Variants in AAK1 observed in about 807,000 individuals in gnomAD.
AAK1 encodes the protein AP2-associated protein kinase 1.
AAK1 carries 37 observed loss-of-function variants against 116.0 expected under a neutral mutation model. That is an observed-to-expected ratio of 0.32 (90% CI 0.25 to 0.42). AAK1 has a LOEUF of 0.42. Among genes scored for constraint, AAK1 ranks in the 10% least tolerant of loss-of-function variants. The pLI, the probability that AAK1 is intolerant of heterozygous loss-of-function variation, is 1.00. For synonymous variants in AAK1, 458 were observed against 439.9 expected (o/e 1.04, Z -0.51); for missense variants, 919 against 1,170.6 (o/e 0.79, Z 3.14).
rs186312220 is a variant in AAK1, at chr2:69,617,663, G to C, written c.163+25215C>G. Among the ~76,000 whole-genome samples, 6 of 152,314 alleles carry C rather than the reference G, an allele frequency of 3.9e-5. No homozygotes were observed. The East Asian group carries it at 9.6e-4, about 24-fold the overall frequency. ...CTAAAGAGGTATGTGCCACATGCTT[G>C]AGTGTATGAGAGTGCAAACATCAGG... On this transcript the variant is annotated intron_variant, in intron 2 of 21. Coordinates refer to ENST00000409085, the MANE Select transcript of AAK1 (RefSeq NM_014911.5).
chr2:69,581,826 T>C (rs1273649893), intron 2 of AAK1, among the ~76,000 whole-genome samples: 1 of 152,006 alleles, frequency 6.6e-6, no homozygotes, highest in East Asian at 1.9e-4. Flanking sequence ...AATAATTTTT[T>C]AAAAACTTAG....
chr2:69,601,044 C>G (rs1673554473), intron 2 of AAK1, among the ~76,000 whole-genome samples: 1 of 152,204 alleles, frequency 6.6e-6, no homozygotes. Context: ...TTAGACTTAA[C>G]ACTTAGTAGG....
chr2:69,498,219 C>T (rs1290752078), intron 16 of AAK1, among the ~76,000 whole-genome samples: 1 of 152,224 alleles, frequency 6.6e-6, no homozygotes, highest in South Asian at 2.1e-4. Context: ...TTCTTTTCAC[C>T]TCTCTTGGCC....
At chr2:69,485,508 C>T (rs996807191) in intron 17 of AAK1, among the ~76,000 whole-genome samples, 3 of 151,936 alleles carry the variant, frequency 2.0e-5, no homozygotes, top group African/African-American at 7.2e-5. Context: ...GCACTCAATT[C>T]TCTCGCAGCC....
Position 69,532,064 on chromosome 2 carries a change from A to G in AAK1, c.633T>C (p.Asn211=). 1 of 1,613,544 alleles carries G rather than the reference A, an allele frequency of 6.2e-7. No homozygotes were observed. The highest frequency in any genetic ancestry group is 8.5e-7 in the Non-Finnish European group (1 of 1,179,540). ...KFQNPQTEGV[N]AVEDEIKKYT... ...ACTTCTTAATCTCATCTTCTACTGC[A>G]TTGACTCCCTCAGTTTGTGGATTCT... is the stretch of plus-strand genomic sequence containing the variant. The change falls in exon 6 of 22, where the codon AAT becomes AAC. Residue 211 remains asparagine, a synonymous_variant. Transcript: ENST00000409085.
At chr2:69,481,038 G>A (rs1008114027) in intron 18 of AAK1, 77 bp from the exon 19 acceptor site, 1 of 1,222,202 alleles carries the variant, frequency 8.2e-7, no homozygotes, top group Non-Finnish European at 1.1e-6. Flanking sequence ...ATTCTGTGAA[G>A]CTTTCTTCTT....
In AAK1 at chr2:69,471,368, C is replaced by T. The variant is rs1367446069; in HGVS notation, c.*4501G>A. The T allele has an allele frequency of 1.0e-6, 1 of 985,306 alleles. No homozygotes were observed. The highest frequency in any genetic ancestry group is 1.7e-5 in the African/African-American group (1 of 57,232). The allele number at this position is 985,306 out of a possible 1,614,324, so 61.0% of individuals were successfully genotyped here. The stretch of plus-strand genomic sequence containing the variant: ...TAGCACTCATTCTGATTTAAGAAAT[C>T]TAAGCACATCCAACTTCAGAAACAT... On this transcript the variant is annotated 3_prime_UTR_variant, in exon 22 of 22. Transcript: ENST00000409085.
At chr2:69,512,514 C>T (rs1425822368) in intron 13 of AAK1, among the ~76,000 whole-genome samples, 1 of 152,206 alleles carries the variant, frequency 6.6e-6, no homozygotes, top group Non-Finnish European at 1.5e-5. Flanking sequence ...AATAAGACTG[C>T]AATAAACATC....
chr2:69,569,611 C>T (rs1249970673), intron 2 of AAK1, among the ~76,000 whole-genome samples: 1 of 152,144 alleles, frequency 6.6e-6, no homozygotes, highest in Non-Finnish European at 1.5e-5. Context: ...CTTTCCATCT[C>T]ACACAAAGTC....
At chr2:69,555,421 C>T (rs1393862732) in intron 3 of AAK1, among the ~76,000 whole-genome samples, 2 of 152,312 alleles carry the variant, frequency 1.3e-5, no homozygotes, top group African/African-American at 2.4e-5. Context: ...AGTCCAACTG[C>T]AGCCTAACTA....
chr2:69,632,863 C>G (rs1243380478), intron 2 of AAK1, among the ~76,000 whole-genome samples: 1 of 151,986 alleles, frequency 6.6e-6, no homozygotes, highest in Non-Finnish European at 1.5e-5. Flanking sequence ...GAAACCCCGT[C>G]TCTACTAAAA....
chr2:69,466,667 G>T lies in AAK1; in HGVS notation c.*9202C>A. ...GGACCAAATAATAGATGTTGAAAATGCAACAGGAAAAACATAAAAATAAAA... is the reference window on the plus strand; with the variant it reads ...GGACCAAATAATAGATGTTGAAAATTCAACAGGAAAAACATAAAAATAAAA... On this transcript the variant is annotated 3_prime_UTR_variant, in exon 22 of 22. Transcript: ENST00000409085. 9.3e-7 allele frequency: 1 copy of T among 1,078,418 alleles called. No homozygotes were observed. Among genetic ancestry groups the T allele is most frequent in the South Asian group, 2.6e-5 (1 of 38,524 alleles). The allele number at this position is 1,078,418 out of a possible 1,614,324, so 66.8% of individuals were successfully genotyped here. A position where few individuals can be genotyped will look rare whatever the true frequency, so the allele number is the denominator to read the frequency against.
chr2:69,589,382 G>A (rs532623540), intron 2 of AAK1, among the ~76,000 whole-genome samples: 14 of 152,268 alleles, frequency 9.2e-5, no homozygotes, highest in African/African-American at 3.4e-4. Flanking sequence ...GCTGTGAACA[G>A]AATAGATGCA....
Position 69,470,549 on chromosome 2 carries a change from G to T in AAK1, c.*5320C>A. ...AGGCCAATGAGGCAATTAAATGAGT[G>T]AGTTTTCTCACTGGGGATAAAATTA... On this transcript the variant is annotated 3_prime_UTR_variant, in exon 22 of 22. Coordinates refer to ENST00000409085, the MANE Select transcript of AAK1 (RefSeq NM_014911.5). The T allele has an allele frequency of 1.0e-6, 1 of 985,434 alleles. No individual in the cohort carries two copies. Among genetic ancestry groups the T allele is most frequent in the Non-Finnish European group, 1.2e-6 (1 of 829,926 alleles). 61.0% of individuals were successfully genotyped at this position (985,434 alleles called of 1,614,324 possible).
At position 69,530,022 on chromosome 2, in the gene AAK1, A is replaced by G. The variant is rs186307218; in HGVS notation, c.857T>C (p.Met286Thr). The G allele has an allele frequency of 2.5e-6, 4 of 1,590,588 alleles. No homozygotes were observed. In the East Asian group the frequency reaches 6.8e-5, roughly 27 times the overall value. Reference protein sequence around the residue: ...IPDNSRYSQDMHCLIRYMLEP... With the variant: ...IPDNSRYSQDTHCLIRYMLEP... The stretch of plus-strand genomic sequence containing the variant: ...AAAATACTTACTAATTAGGCAGTGC[A>G]TGTCTTGAGAATATCGAGAATTATC... Residue 286 changes from methionine to threonine, a missense_variant, in exon 8 of 22, where the codon ATG becomes ACG. Transcript: ENST00000409085.
intron 2 of AAK1, among the ~76,000 whole-genome samples, chr2:69,615,643 C>T (rs1318023427): frequency 6.6e-6 from 1 of 152,178 alleles, no homozygotes; most frequent in Non-Finnish European, 1.5e-5. Context: ...TGTACTCACA[C>T]AGAAAGAAAG....
chr2:69,579,268 C>T (rs772854002), intron 2 of AAK1, among the ~76,000 whole-genome samples: 3 of 152,112 alleles, frequency 2.0e-5, no homozygotes, highest in Non-Finnish European at 2.9e-5. Context: ...GAGCACTTTT[C>T]ACTGGTGACA....
At chr2:69,637,070 C>T (rs1274091552) in intron 2 of AAK1, among the ~76,000 whole-genome samples, 2 of 152,196 alleles carry the variant, frequency 1.3e-5, no homozygotes, top group African/African-American at 4.8e-5. Context: ...CCCTGGGCCA[C>T]TAGTAGATTA....
chr2:69,520,967 G>A lies in AAK1; in HGVS notation c.1077C>T (p.Thr359=). The change falls in exon 11 of 22, where the codon ACC becomes ACT. Residue 359 remains threonine, a synonymous_variant. Coordinates refer to ENST00000409085, the MANE Select transcript of AAK1 (RefSeq NM_014911.5). ...PKARLTDPIP[T]TETSIAPRQR... ...GGCGGGGTGCAATTGAAGTCTCTGT[G>A]GTGGGAATGGGATCTGTCAGTCTAG... 6.2e-7 allele frequency: 1 copy of A among 1,613,954 alleles called. No individual in the cohort carries two copies. The highest frequency in any genetic ancestry group is 8.5e-7 in the Non-Finnish European group (1 of 1,179,846).
Sources: gnomAD v4.1 joint callset for allele counts (sites outside exome capture counted in the v4.1 genomes callset) on GRCh38, gnomAD v4.1.1 for gene constraint, MANE v1.5 for transcripts, NCBI Gene and HGNC (gene_info 2026-07-23, HGNC 2026-07-21) for gene names.